LGI2: variants seen among roughly 807,000 people sequenced by gnomAD.
LGI2 encodes the protein leucine rich repeat LGI family member 2.
In LGI2, 30 loss-of-function variants were observed where a neutral mutation model predicts 52.0. The ratio of observed to expected loss-of-function variants is 0.58; its 90% CI spans 0.43 to 0.78. The LOEUF is 0.78. Among genes scored for constraint, LGI2 ranks in the 30% least tolerant of loss-of-function variants. The pLI is 0.00. For synonymous variants in LGI2, 270 were observed against 271.8 expected (o/e 0.99, Z 0.06); for missense variants, 573 against 692.5 (o/e 0.83, Z 1.94).
At chr4:25,023,297 G>A (rs964174559) in intron 4 of LGI2, among the ~76,000 whole-genome samples, 1 of 152,034 alleles carries the variant, frequency 6.6e-6, no homozygotes, top group African/African-American at 2.4e-5. Context: ...AAGCCTATAC[G>A]ACTCCAAGCC....
chr4:25,024,240 G>A (rs1726068574), intron 4 of LGI2, among the ~76,000 whole-genome samples: 1 of 152,174 alleles, frequency 6.6e-6, no homozygotes, highest in Non-Finnish European at 1.5e-5. Flanking sequence ...CTGGCTGGGT[G>A]CGGTGGCTCA....
At chr4:25,009,710 A>C (rs984319663) in intron 7 of LGI2, among the ~76,000 whole-genome samples, 6 of 152,048 alleles carry the variant, frequency 3.9e-5, no homozygotes, top group African/African-American at 1.2e-4. Context: ...ATCTTGGCTC[A>C]CTGCAACCTC....
the LGI2 span, among the ~76,000 whole-genome samples, chr4:24,993,469 C>G: frequency 2.1e-3 from 316 of 152,304 alleles, 1 homozygote; most frequent in African/African-American, 7.0e-3. Flanking sequence ...ATTTAATCAG[C>G]ATCCTTTTAG....
At chr4:25,012,264 C>G in intron 7 of LGI2, 71 bp downstream of exon 7, 1 of 1,536,606 alleles carries the variant, frequency 6.5e-7, no homozygotes, top group Non-Finnish European at 9.0e-7. Context: ...ATACAGAGGA[C>G]ATTCCTCCTC....
rs1049631058 is a variant in LGI2, at chr4:25,000,770, G to A, written c.*2681C>T. On this transcript the variant is annotated 3_prime_UTR_variant, in exon 8 of 8. Coordinates refer to ENST00000382114, the MANE Select transcript of LGI2 (RefSeq NM_018176.4). Reference sequence around the variant, plus strand: ...CTTCAAGCTGATCTCCACTGGGGACGGTCCACATATTTCTCTGCTTTGCAT... The same window carrying A: ...CTTCAAGCTGATCTCCACTGGGGACAGTCCACATATTTCTCTGCTTTGCAT... 5.3e-5 allele frequency: 8 copies of A among 152,216 alleles called. No homozygotes were observed. The highest frequency in any genetic ancestry group is 1.7e-4 in the African/African-American group (7 of 41,448). 9.4% of individuals were successfully genotyped at this position (152,216 alleles called of 1,614,324 possible).
chr4:25,023,352 T>A (rs1465655201), intron 4 of LGI2, among the ~76,000 whole-genome samples: 2 of 152,044 alleles, frequency 1.3e-5, no homozygotes, highest in African/African-American at 4.8e-5. Flanking sequence ...GACACTTAGG[T>A]TGAATCTGAA....
chr4:25,003,641 T>C lies in LGI2; in HGVS notation c.1448A>G (p.Asp483Gly). 1 of 1,614,180 alleles carries C rather than the reference T, an allele frequency of 6.2e-7. No homozygotes were observed. The highest frequency in any genetic ancestry group is 8.5e-7 in the Non-Finnish European group (1 of 1,180,030). ...CTGGTATATCTGAGAGAATGTATAG[T>C]CACTCCCCAGGGCCAGGTAGTGATT... Reference protein sequence around the residue: ...KDNHYLALGSDYTFSQIYQWD... With the variant: ...KDNHYLALGSGYTFSQIYQWD... Residue 483 changes from aspartate (D) to glycine (G), a missense_variant, in exon 8 of 8, where the codon GAC becomes GGC. Transcript: ENST00000382114.
chr4:25,012,479 A>C lies in LGI2; in HGVS notation c.676T>G (p.Leu226Val). 1 of 1,614,052 alleles carries C rather than the reference A, an allele frequency of 6.2e-7. No homozygotes were observed. Residue 226 changes from leucine to valine, a missense_variant, in exon 7 of 8, where the codon TTA (leucine) becomes GTA (valine). Coordinates refer to ENST00000382114, the MANE Select transcript of LGI2 (RefSeq NM_018176.4). ...TCCACTGAAACCGACTGGTAGGGTAAAGTCTGATGAACAACAAAATCTGGG... is the reference window on the plus strand; with the variant it reads ...TCCACTGAAACCGACTGGTAGGGTACAGTCTGATGAACAACAAAATCTGGG... ...TTTDFVVHQT[L>V]PYQSVSVDTF...
In LGI2 at chr4:25,030,654, G is replaced by C. The variant is rs1320863775; in HGVS notation, c.40C>G (p.Leu14Val). 2 of 1,534,312 alleles carry C rather than the reference G, an allele frequency of 1.3e-6. No individual in the cohort carries two copies. The highest frequency in any genetic ancestry group is 4.0e-5 in the Admixed American group (2 of 50,254). ...CACGCGGCGCCCAGCAGCAGCAGCAGCAGCCCGAGCGCTCCGCAGCCGCCT... is the reference window on the plus strand; with the variant it reads ...CACGCGGCGCCCAGCAGCAGCAGCACCAGCCCGAGCGCTCCGCAGCCGCCT... ...RRGGCGALGL[L>V]LLLLGAACLI... The change falls in exon 1 of 8, where the codon CTG becomes GTG. Residue 14 changes from leucine to valine, a missense_variant. Coordinates refer to ENST00000382114, the MANE Select transcript of LGI2 (RefSeq NM_018176.4).
chr4:25,012,582 A>G, intron 6 of LGI2, 83 bp from the exon 7 acceptor site: 1 of 1,434,880 alleles, frequency 7.0e-7, no homozygotes, highest in African/African-American at 1.4e-5. Flanking sequence ...CCATCATCAC[A>G]TCAGCTCTGA....
intron 6 of LGI2, among the ~76,000 whole-genome samples, chr4:25,014,734 G>A (rs1725701702): frequency 6.6e-6 from 1 of 151,468 alleles, no homozygotes; most frequent in African/African-American, 2.4e-5. Context: ...TGGAGGCTGA[G>A]GTGGAAGGAT....
chr4:25,019,398 G>C (rs1236495867), intron 4 of LGI2, among the ~76,000 whole-genome samples, 160 bp from the exon 5 acceptor site: 1 of 147,504 alleles, frequency 6.8e-6, no homozygotes, highest in Non-Finnish European at 1.5e-5. Flanking sequence ...AGAGATGCTG[G>C]ATTATAATAT....
At chr4:24,994,611 G>T (rs766630718), downstream of LGI2, among the ~76,000 whole-genome samples, 1 of 152,106 alleles carries the variant, frequency 6.6e-6, no homozygotes, top group Non-Finnish European at 1.5e-5. Flanking sequence ...CCTCCACACT[G>T]CAAATATGTG....
chr4:25,018,770 G>T (rs916119454), intron 5 of LGI2, among the ~76,000 whole-genome samples: 1 of 152,000 alleles, frequency 6.6e-6, no homozygotes, highest in Non-Finnish European at 1.5e-5. Context: ...GCTGAGGCAG[G>T]AGAATCACTT....
chr4:25,028,471 GC>G (rs768684378), intron 2 of LGI2, 35 bp downstream of exon 2: 1 of 1,593,682 alleles, frequency 6.3e-7, no homozygotes, highest in East Asian at 2.2e-5. Context: ...GCACCTCAGG[GC>G]CCCCCATTGT....
downstream of LGI2, among the ~76,000 whole-genome samples, chr4:24,994,246 G>T (rs1478411343): frequency 6.6e-6 from 1 of 152,172 alleles, no homozygotes; most frequent in Middle Eastern, 3.2e-3. Flanking sequence ...ATACCAGAAA[G>T]ATCTTTTCCA....
chr4:25,018,844 A>G lies in LGI2; in HGVS notation c.485+323T>C, dbSNP rs1175166164. Among the ~76,000 whole-genome samples, 4 of 151,778 alleles carry G rather than the reference A, an allele frequency of 2.6e-5. No homozygotes were observed. In the South Asian group the frequency reaches 6.2e-4, roughly 24 times the overall value. On this transcript the variant is annotated intron_variant, in intron 5 of 7. Transcript: ENST00000382114. ...ACCATTTCACTCTAGCCTGGGCAAC[A>G]GAGCAAGACTACATCTAAAAAAAAA... is the stretch of plus-strand genomic sequence containing the variant.
chr4:25,005,314 A>AT (rs934545666), intron 7 of LGI2, among the ~76,000 whole-genome samples: 1 of 152,170 alleles, frequency 6.6e-6, no homozygotes, highest in Non-Finnish European at 1.5e-5. Flanking sequence ...AATTAAAACA[A>AT]TTTTTTTAAG....
chr4:25,018,988 A>G (rs1170391161), intron 5 of LGI2, among the ~76,000 whole-genome samples, 179 bp downstream of exon 5: 2 of 152,236 alleles, frequency 1.3e-5, no homozygotes, highest in Non-Finnish European at 2.9e-5. Flanking sequence ...TGCTAAGTAT[A>G]AAATGGCAAA....
Sources: gnomAD v4.1 joint callset for allele counts (sites outside exome capture counted in the v4.1 genomes callset) on GRCh38, gnomAD v4.1.1 for gene constraint, MANE v1.5 for transcripts, NCBI Gene and HGNC (gene_info 2026-07-23, HGNC 2026-07-21) for gene names.